Variants in GPATCH2 observed in about 807,000 individuals in gnomAD.
The protein encoded by GPATCH2 is G patch domain-containing protein 2.
In GPATCH2, 51 loss-of-function variants were observed where a neutral mutation model predicts 58.0. The observed-to-expected ratio is 0.88, with a 90% CI of 0.70 to 1.11. The LOEUF (loss-of-function observed/expected upper bound fraction) is 1.11. GPATCH2 is among the 50% of genes most tolerant of loss of function. GPATCH2 has a pLI of 0.00. For synonymous variants in GPATCH2, 222 were observed against 218.5 expected (o/e 1.02, Z -0.14); for missense variants, 625 against 652.2 (o/e 0.96, Z 0.45).
At chr1:217,567,887 T>C (rs991224841) in intron 5 of GPATCH2, among the ~76,000 whole-genome samples, 2 of 152,104 alleles carry the variant, frequency 1.3e-5, no homozygotes, top group Admixed American at 6.6e-5. Context: ...GAGGCCAAGG[T>C]GGGCGGATCA....
At chr1:217,526,822 T>C (rs1663930050) in intron 5 of GPATCH2, among the ~76,000 whole-genome samples, 1 of 152,222 alleles carries the variant, frequency 6.6e-6, no homozygotes, top group Admixed American at 6.5e-5. Context: ...TCACTGCTCA[T>C]ATTACCACCT....
intron 3 of GPATCH2, among the ~76,000 whole-genome samples, chr1:217,613,119 A>G (rs1571654946): frequency 6.6e-6 from 1 of 152,066 alleles, no homozygotes; most frequent in Non-Finnish European, 1.5e-5. Flanking sequence ...GAATTTAAGT[A>G]TATTATCAGG....
intron 2 of GPATCH2, 99 bp downstream of exon 2, chr1:217,619,684 A>G: frequency 4.3e-6 from 2 of 463,234 alleles, no homozygotes; most frequent in South Asian, 1.5e-4. Context: ...CATTATTACA[A>G]TTTATAATTA....
intron 6 of GPATCH2, among the ~76,000 whole-genome samples, chr1:217,509,282 A>G (rs1360169802): frequency 1.3e-5 from 2 of 152,134 alleles, no homozygotes. Context: ...CGGAAGTTGC[A>G]GTGCACCAAG....
chr1:217,607,192 T>C (rs1434237449), intron 5 of GPATCH2, among the ~76,000 whole-genome samples: 1 of 152,244 alleles, frequency 6.6e-6, no homozygotes, highest in Non-Finnish European at 1.5e-5. Context: ...ATACTCACAA[T>C]TTCTGACTTT....
chr1:217,556,305 T>A (rs1665613296), intron 5 of GPATCH2, among the ~76,000 whole-genome samples: 1 of 152,168 alleles, frequency 6.6e-6, no homozygotes, highest in African/African-American at 2.4e-5. Flanking sequence ...CCATGCCACA[T>A]TTATATCTTC....
At chr1:217,523,319 A>G (rs1191631910) in intron 5 of GPATCH2, among the ~76,000 whole-genome samples, 62 of 151,786 alleles carry the variant, frequency 4.1e-4, no homozygotes, top group Middle Eastern at 3.4e-3. Context: ...AGGACCCTGC[A>G]GCCTTCCGCA....
intron 9 of GPATCH2, among the ~76,000 whole-genome samples, chr1:217,436,108 T>C (rs35410998): frequency 1.3e-5 from 2 of 152,102 alleles, no homozygotes; most frequent in Non-Finnish European, 2.9e-5. Flanking sequence ...GGAGGAAGTG[T>C]TCTTATTAAC....
intron 5 of GPATCH2, among the ~76,000 whole-genome samples, chr1:217,532,068 C>T (rs1398582030): frequency 6.6e-6 from 1 of 152,174 alleles, no homozygotes; most frequent in East Asian, 1.9e-4. Flanking sequence ...GTCACTACAA[C>T]CCAACTCCGC....
intron 1 of GPATCH2, among the ~76,000 whole-genome samples, chr1:217,624,436 T>G (rs1445788349): frequency 6.6e-6 from 1 of 152,182 alleles, no homozygotes; most frequent in South Asian, 2.1e-4. Context: ...GAGAATCACT[T>G]GAACCAGGAG....
intron 8 of GPATCH2, among the ~76,000 whole-genome samples, chr1:217,463,830 A>C (rs1026102745): frequency 9.9e-5 from 15 of 152,100 alleles, no homozygotes; most frequent in African/African-American, 3.6e-4. Context: ...GATAAAGAGA[A>C]CAAGGGTGAG....
intron 9 of GPATCH2, among the ~76,000 whole-genome samples, chr1:217,444,289 G>A (rs913815944): frequency 3.3e-5 from 5 of 152,126 alleles, no homozygotes; most frequent in African/African-American, 4.8e-5. Flanking sequence ...GGGATCCCAG[G>A]CTTGACTCCC....
rs1255621486 is a variant in GPATCH2, at chr1:217,611,016, A to G, written c.891T>C (p.Gly297=). Residue 297 remains glycine, a synonymous_variant, in exon 4 of 10, where the codon GGT becomes GGC. Coordinates refer to ENST00000366935, the MANE Select transcript of GPATCH2 (RefSeq NM_018040.5). ...FYEKESGGAC[G]ITGVVPWWEK... is the part of the protein sequence containing the mutation. ...CCCACCAGGGCACAACTCCAGTGAT[A>G]CCACATGCTCCACCTGATTCCTTTT... 8 of 1,613,466 alleles carry G rather than the reference A, an allele frequency of 5.0e-6. No homozygotes were observed. The highest frequency in any genetic ancestry group is 1.3e-5 in the African/African-American group (1 of 74,902).
rs543192606 is a variant in GPATCH2 at position 217,540,866 on chromosome 1, C to A, written c.1099-25977G>T. ...GTTCCCACAGTCTCTCTCTTCAGAA[C>A]AATCGACCCTTATTTTTGGCTAAAA... On this transcript the variant is annotated intron_variant, in intron 5 of 9. Transcript: ENST00000366935. Among the ~76,000 whole-genome samples, 7 of 152,292 alleles carry A rather than the reference C, an allele frequency of 4.6e-5. No individual in the cohort carries two copies. The East Asian group carries it at 1.4e-3, about 29-fold the overall frequency.
In GPATCH2 at chr1:217,582,934, G is replaced by C. The variant is rs112340535; in HGVS notation, c.1098+27387C>G. Among the ~76,000 whole-genome samples, 624 of 152,254 alleles carry C rather than the reference G, an allele frequency of 4.1e-3. 4 individuals carry two copies. Among genetic ancestry groups the C allele is most frequent in the African/African-American group, 0.014 (598 of 41,544 alleles). ...TAACTACTGAAATACACCATTCACT[G>C]TAAGAATCCGTATTACAGCTAACCT... On this transcript the variant is annotated intron_variant, in intron 5 of 9. Coordinates refer to ENST00000366935, the MANE Select transcript of GPATCH2 (RefSeq NM_018040.5).
rs926897487 is a variant in GPATCH2, at chr1:217,541,024, C to T, written c.1099-26135G>A. Among the ~76,000 whole-genome samples the T allele has an allele frequency of 2.6e-5, 4 of 152,188 alleles. No individual in the cohort carries two copies. The South Asian group carries it at 8.3e-4, about 31-fold the overall frequency. ...AACCGTAACTCCAGTTGTATCCAAA[C>T]ATTTCACTGAATTTGGCCAAACAGC... On this transcript the variant is annotated intron_variant, in intron 5 of 9. Coordinates refer to ENST00000366935, the MANE Select transcript of GPATCH2 (RefSeq NM_018040.5).
At chr1:217,513,936 C>T (rs999861247) in intron 6 of GPATCH2, among the ~76,000 whole-genome samples, 5 of 151,148 alleles carry the variant, frequency 3.3e-5, no homozygotes, top group African/African-American at 1.2e-4. Flanking sequence ...GTGAGTCTCC[C>T]GTCTCAGCTT....
chr1:217,544,101 G>A (rs915864459), intron 5 of GPATCH2, among the ~76,000 whole-genome samples: 7 of 152,144 alleles, frequency 4.6e-5, no homozygotes, highest in Non-Finnish European at 1.0e-4. Flanking sequence ...ACTGAGATAT[G>A]AAACTGCAAT....
chr1:217,521,200 A>G (rs1167933337), intron 5 of GPATCH2, among the ~76,000 whole-genome samples: 1 of 152,192 alleles, frequency 6.6e-6, no homozygotes, highest in African/African-American at 2.4e-5. Flanking sequence ...CAATGTGCCT[A>G]GAGTGAAGAA....
Sources: gnomAD v4.1 joint callset for allele counts (sites outside exome capture counted in the v4.1 genomes callset) on GRCh38, gnomAD v4.1.1 for gene constraint, MANE v1.5 for transcripts, NCBI Gene and HGNC (gene_info 2026-07-23, HGNC 2026-07-21) for gene names.